TSPAN8: variants seen among roughly 807,000 people sequenced by gnomAD.
TSPAN8 encodes tetraspanin 8, also known as tetraspanin-8.
In TSPAN8, 21 loss-of-function variants were observed where a neutral mutation model predicts 32.8. That is an observed-to-expected ratio of 0.64 (90% CI 0.45 to 0.92). The LOEUF (loss-of-function observed/expected upper bound fraction) is 0.92. Ranked by LOEUF, TSPAN8 falls within the 40% of genes least tolerant of loss-of-function variation. The pLI is 0.00. For missense variants in TSPAN8, 269 were observed against 281.9 expected, an observed-to-expected ratio of 0.95 and a Z score of 0.33; for synonymous variants, 95 against 94.6, an observed-to-expected ratio of 1.00 and a Z score of -0.03.
At chr12:71,139,002 T>C (rs1871804471) in intron 4 of TSPAN8, 3 of 400,386 alleles carry the variant, frequency 7.5e-6, no homozygotes, top group South Asian at 3.8e-5. Flanking sequence ...CATTTTCTAC[T>C]GTATATGTTA....
rs1490213152 is a variant in TSPAN8, at chr12:71,142,866, G to A, written c.123+1285C>T. Among the ~76,000 whole-genome samples, 99 of 149,268 alleles carry A rather than the reference G, an allele frequency of 6.6e-4. 1 individual carries two copies. Among genetic ancestry groups the A allele is most frequent in the Admixed American group, 4.4e-3 (66 of 14,862 alleles). ...AAAAAACAAAAAAAAAAAAAACAGAGATAGAGTGAGAAAGAAATTTTCAGA... is the reference window on the plus strand; with the variant it reads ...AAAAAACAAAAAAAAAAAAAACAGAAATAGAGTGAGAAAGAAATTTTCAGA... On this transcript the variant is annotated intron_variant, in intron 3 of 8. Transcript: ENST00000247829.
chr12:71,145,802 C>T (rs1592407931), intron 2 of TSPAN8, among the ~76,000 whole-genome samples: 1 of 152,070 alleles, frequency 6.6e-6, no homozygotes, highest in Non-Finnish European at 1.5e-5. Context: ...TTTTCACAAG[C>T]AGATTCATAA....
chr12:71,125,489 T>C (rs770105505), intron 8 of TSPAN8, 102 bp from the exon 9 acceptor site: 3 of 982,350 alleles, frequency 3.1e-6, no homozygotes, highest in African/African-American at 1.6e-5. Flanking sequence ...ATTTTGTATA[T>C]TGACAGTTCC....
chr12:71,144,059 G>A lies in TSPAN8; in HGVS notation c.123+92C>T, dbSNP rs1319293548. 6 of 1,109,920 alleles carry A rather than the reference G, an allele frequency of 5.4e-6. No homozygotes were observed. The East Asian group carries it at 1.6e-4, about 29-fold the overall frequency. The allele number at this position is 1,109,920 out of a possible 1,614,324, so 68.8% of individuals were successfully genotyped here. ...TGAAGCAGTTAAGAAAAATGTTTTAGACATGTTTATTACTATTATTGTTAT... is the reference window on the plus strand; with the variant it reads ...TGAAGCAGTTAAGAAAAATGTTTTAAACATGTTTATTACTATTATTGTTAT... On this transcript the variant is annotated intron_variant, in intron 3 of 8. Transcript: ENST00000247829.
intron 2 of TSPAN8, among the ~76,000 whole-genome samples, chr12:71,152,863 G>T (rs1872301905): frequency 1.3e-5 from 2 of 152,058 alleles, no homozygotes; most frequent in African/African-American, 2.4e-5. Context: ...TCTTTTAATT[G>T]CTCTCAGCAC....
Position 71,125,346 on chromosome 12 carries a change from G to T in TSPAN8, c.702C>A (p.Ile234=). The change falls in exon 9 of 9, where the codon ATC becomes ATA. Residue 234 remains isoleucine (I), a synonymous_variant. Transcript: ENST00000247829. ...TGCATCCACAGATTCATTTGTTCCCGATCTGGCAATACAGGACCATAGAAA... is the reference window on the plus strand; with the variant it reads ...TGCATCCACAGATTCATTTGTTCCCTATCTGGCAATACAGGACCATAGAAA... The part of the protein sequence containing the change: ...LVFSMVLYCQ[I]GNK 6.2e-7 allele frequency: 1 copy of T among 1,612,288 alleles called. No individual in the cohort carries two copies. Among genetic ancestry groups the T allele is most frequent in the Non-Finnish European group, 8.5e-7 (1 of 1,179,274 alleles).
At chr12:71,153,996 G>A (rs1033826688) in intron 2 of TSPAN8, among the ~76,000 whole-genome samples, 3 of 152,168 alleles carry the variant, frequency 2.0e-5, no homozygotes, top group African/African-American at 7.2e-5. Context: ...GAAACAAACA[G>A]ATAATGTAAC....
In TSPAN8 at chr12:71,129,414, T is replaced by C; in HGVS notation, c.577A>G (p.Thr193Ala). ...AAGTCTTTTATGAAAGAAATACAGG[T>C]CTGTTAAAAAAAAAAAACATTAAAA... ...SYNGKQVYKE[T>A]CISFIKDFLA... Residue 193 changes from threonine to alanine, a missense_variant and splice_region_variant, in exon 8 of 9, where the codon ACC becomes GCC. By Grantham distance (58) the Thr-to-Ala change is moderately conservative. Transcript: ENST00000247829. 6.5e-7 allele frequency: 1 copy of C among 1,546,600 alleles called. No individual in the cohort carries two copies. Among genetic ancestry groups the C allele is most frequent in the Non-Finnish European group, 8.7e-7 (1 of 1,151,342 alleles).
intron 8 of TSPAN8, among the ~76,000 whole-genome samples, chr12:71,127,556 A>T (rs1323941783): frequency 1.3e-5 from 2 of 152,310 alleles, no homozygotes; most frequent in East Asian, 3.9e-4. Context: ...CAAAAACTTC[A>T]TACCTATAAA....
At chr12:71,129,158 C>T (rs1871435894) in intron 8 of TSPAN8, among the ~76,000 whole-genome samples, 173 bp downstream of exon 8, 1 of 151,802 alleles carries the variant, frequency 6.6e-6, no homozygotes, top group Non-Finnish European at 1.5e-5. Context: ...CAGACTCAGG[C>T]TGATCGAGGG....
chr12:71,125,610 G>T (rs1409195326), intron 8 of TSPAN8, among the ~76,000 whole-genome samples: 1 of 151,988 alleles, frequency 6.6e-6, no homozygotes, highest in East Asian at 1.9e-4. Flanking sequence ...TTTTTAGCTG[G>T]CCAATCAGCC....
At chr12:71,132,618 T>G in intron 7 of TSPAN8, 75 bp downstream of exon 7, 1 of 1,539,752 alleles carries the variant, frequency 6.5e-7, no homozygotes, top group Admixed American at 2.0e-5. Context: ...TGCATTTTAA[T>G]TTTTTGTAGG....
chr12:71,128,528 A>T (rs1871412248), intron 8 of TSPAN8, among the ~76,000 whole-genome samples: 1 of 152,124 alleles, frequency 6.6e-6, no homozygotes, highest in African/African-American at 2.4e-5. Flanking sequence ...AATTTGATCT[A>T]CTTGATATTA....
At chr12:71,154,333 A>AATG (rs1219804626) in intron 2 of TSPAN8, among the ~76,000 whole-genome samples, 1 of 147,952 alleles carries the variant, frequency 6.8e-6, no homozygotes, top group African/African-American at 2.5e-5. Context: ...TAATAATAAT[A>AATG]ATAATAATAA....
rs767217955 is a variant in TSPAN8 at position 71,138,249 on chromosome 12, A to T, written c.262-19T>A. The T allele has an allele frequency of 6.2e-7, 1 of 1,611,390 alleles. No homozygotes were observed. Among genetic ancestry groups the T allele is most frequent in the East Asian group, 2.2e-5 (1 of 44,856 alleles). On this transcript the variant is annotated intron_variant, in intron 4 of 8. Transcript: ENST00000247829. ...TGAAAAACTGAAGAAGAGAAAAAGA[A>T]ATATACATTATCCTCAGTGCATTCA...
intron 6 of TSPAN8, 57 bp from the exon 7 acceptor site, chr12:71,132,881 A>G (rs1307348184): frequency 1.3e-6 from 2 of 1,578,636 alleles, no homozygotes; most frequent in Non-Finnish European, 1.7e-6. Flanking sequence ...AAACATTGGC[A>G]ATACATTAAA....
Position 71,138,017 on chromosome 12 carries a change from AG to A in TSPAN8, c.379del (p.Leu127PhefsTer2). On this transcript the variant is annotated frameshift_variant, in exon 6 of 9. Coordinates refer to ENST00000247829, the MANE Select transcript of TSPAN8 (RefSeq NM_004616.3). LOFTEE classifies it high-confidence loss of function. ...VNETLYENTK[L>X]LSATGESEKQ... is the part of the protein sequence containing the mutation. ...TTCACTTTCCCCTGTGGCGCTCAAA[AG>A]CTTTGTGTTTTCATAGAGAGTTTCA... The A allele has an allele frequency of 6.2e-7, 1 of 1,614,016 alleles. No homozygotes were observed. The highest frequency in any genetic ancestry group is 1.1e-5 in the South Asian group (1 of 91,036).
chr12:71,143,065 G>GA (rs1871955769), intron 3 of TSPAN8, among the ~76,000 whole-genome samples: 1 of 152,106 alleles, frequency 6.6e-6, no homozygotes, highest in Admixed American at 6.6e-5. Flanking sequence ...TATCAACTTG[G>GA]AATCAAAATT....
intron 7 of TSPAN8, among the ~76,000 whole-genome samples, chr12:71,132,143 G>C (rs1023443563): frequency 6.6e-6 from 1 of 152,190 alleles, no homozygotes. Context: ...GACATTAAAT[G>C]TTCAAGGTAA....
Sources: allele counts gnomAD v4.1 joint callset (sites outside exome capture counted in the v4.1 genomes callset), GRCh38; gene constraint gnomAD v4.1.1; transcripts MANE v1.5; gene names NCBI Gene and HGNC (gene_info 2026-07-23, HGNC 2026-07-21).